The following DLGAP2 variants were observed in gnomAD, a reference collection of about 807,000 sequenced individuals.
The protein encoded by DLGAP2 is DLG associated protein 2.
DLGAP2 carries 26 observed loss-of-function variants against 100.3 expected under a neutral mutation model. That is an observed-to-expected ratio of 0.26 (90% CI 0.19 to 0.36). The LOEUF (loss-of-function observed/expected upper bound fraction) is 0.36. DLGAP2 is among the 10% of genes least tolerant of loss of function. The pLI, the probability that DLGAP2 is intolerant of heterozygous loss-of-function variation, is 1.00. For synonymous variants in DLGAP2, 886 were observed against 630.1 expected (o/e 1.41, Z -6.08); for missense variants, 1,858 against 1,453.2 (o/e 1.28, Z -4.53).
chr8:1,506,058 A>G (rs930778578), intron 4 of DLGAP2, among the ~76,000 whole-genome samples: 5 of 152,234 alleles, frequency 3.3e-5, no homozygotes, highest in African/African-American at 7.2e-5. Context: ...AATAATACTT[A>G]GAGCCTTCCA....
chr8:812,199 G>A (rs1212384485), intron 1 of DLGAP2, among the ~76,000 whole-genome samples: 4 of 152,236 alleles, frequency 2.6e-5, no homozygotes, highest in African/African-American at 9.6e-5. Context: ...GCAGGCAGGA[G>A]ACCCAGGGAG....
In DLGAP2 at chr8:984,359, T is replaced by TA. The variant is rs1281258314; in HGVS notation, c.73+76400dup. Among the ~76,000 whole-genome samples, 7 of 152,244 alleles carry TA rather than the reference T, an allele frequency of 4.6e-5. No individual in the cohort carries two copies. In the East Asian group the frequency reaches 1.2e-3, roughly 25 times the overall value. On this transcript the variant is annotated intron_variant, in intron 2 of 14. Transcript: ENST00000637795. ...ATGCCTTTCATTTTTGCTCAGTCCA[T>TA]AAAAAAACTTCACTAAAAGCTTTTA...
At chr8:831,207 CTTTT>C (rs59545503) in intron 1 of DLGAP2, among the ~76,000 whole-genome samples, 89 of 127,624 alleles carry the variant, frequency 7.0e-4, no homozygotes, top group Middle Eastern at 4.0e-3. Flanking sequence ...CCAGCAGTCA[CTTTT>C]TTTTTTTTTT....
intron 3 of DLGAP2, among the ~76,000 whole-genome samples, chr8:1,267,361 C>T (rs1450877888): frequency 6.6e-6 from 1 of 151,054 alleles, no homozygotes; most frequent in African/African-American, 2.4e-5. Flanking sequence ...AGGTCAGGAG[C>T]TTGAGACCAG....
At chr8:1,527,364 G>A (rs1259627560) in intron 4 of DLGAP2, among the ~76,000 whole-genome samples, 1 of 152,232 alleles carries the variant, frequency 6.6e-6, no homozygotes, top group Admixed American at 6.5e-5. Flanking sequence ...ACATCTCTGA[G>A]TCAAGTCACC....
At chr8:1,418,574 C>T (rs113669415) in intron 3 of DLGAP2, among the ~76,000 whole-genome samples, 6 of 152,182 alleles carry the variant, frequency 3.9e-5, no homozygotes, top group African/African-American at 9.7e-5. Flanking sequence ...TGCATTCACA[C>T]GACACTCCAC....
chr8:1,605,519 T>G (rs2957073), intron 6 of DLGAP2, among the ~76,000 whole-genome samples: 33,045 of 152,104 alleles, frequency 0.22, 4,415 homozygotes, highest in East Asian at 0.47. Flanking sequence ...CCTTTGTGCA[T>G]GAGCTTTAGA....
intron 2 of DLGAP2, among the ~76,000 whole-genome samples, chr8:963,445 A>G (rs1191828829): frequency 6.6e-6 from 1 of 152,210 alleles, no homozygotes; most frequent in East Asian, 1.9e-4. Context: ...AGTCTTCTCT[A>G]TGTATATGGT....
intron 6 of DLGAP2, among the ~76,000 whole-genome samples, chr8:1,593,589 C>G (rs2977214): frequency 6.6e-6 from 1 of 152,178 alleles, no homozygotes; most frequent in Non-Finnish European, 1.5e-5. Context: ...AATTCCTACC[C>G]TGGCACAGCA....
intron 2 of DLGAP2, among the ~76,000 whole-genome samples, chr8:1,020,384 C>G (rs1208812229): frequency 6.6e-6 from 1 of 152,334 alleles, no homozygotes; most frequent in Admixed American, 6.5e-5. Context: ...TGGTTGATTC[C>G]TATCTCTAAT....
At chr8:1,310,127 G>T (rs1051260642) in intron 3 of DLGAP2, among the ~76,000 whole-genome samples, 2 of 151,334 alleles carry the variant, frequency 1.3e-5, no homozygotes, top group East Asian at 3.9e-4. Flanking sequence ...TAAATCTAGG[G>T]TTCTATGTTT....
At chr8:909,991 A>G (rs776021045) in intron 2 of DLGAP2, among the ~76,000 whole-genome samples, 30 of 152,194 alleles carry the variant, frequency 2.0e-4, no homozygotes, top group East Asian at 5.8e-4. Flanking sequence ...TTCTACCTCA[A>G]TGGTTTTGTG....
At chr8:1,056,872 T>G (rs1331197069) in intron 2 of DLGAP2, among the ~76,000 whole-genome samples, 1 of 152,250 alleles carries the variant, frequency 6.6e-6, no homozygotes, top group Non-Finnish European at 1.5e-5. Context: ...GTAGGTAACT[T>G]AGTAAATAGC....
Position 958,547 on chromosome 8 carries a change from A to G in DLGAP2, c.73+50581A>G, listed in dbSNP as rs145817273. Among the ~76,000 whole-genome samples, 18 of 148,608 alleles carry G rather than the reference A, an allele frequency of 1.2e-4. No individual in the cohort carries two copies. In the East Asian group the frequency reaches 3.6e-3, roughly 30 times the overall value. ...GTTTTGCAGGCATTCCAGTGATTGT[A>G]ATGCCATTAGTTATTGGAAATTAAA... On this transcript the variant is annotated intron_variant, in intron 2 of 14. Coordinates refer to ENST00000637795, the MANE Select transcript of DLGAP2 (RefSeq NM_001346810.2).
At chr8:1,531,786 T>A (rs1359089151) in intron 4 of DLGAP2, among the ~76,000 whole-genome samples, 2 of 152,212 alleles carry the variant, frequency 1.3e-5, no homozygotes, top group Non-Finnish European at 2.9e-5. Flanking sequence ...GGCAGAAAGT[T>A]AGAGCTACAT....
chr8:1,175,987 C>G (rs1797244429), intron 2 of DLGAP2, among the ~76,000 whole-genome samples: 2 of 152,204 alleles, frequency 1.3e-5, no homozygotes, highest in South Asian at 4.1e-4. Context: ...GGGCCTATGT[C>G]ATACCATCCG....
intron 3 of DLGAP2, among the ~76,000 whole-genome samples, chr8:1,334,596 C>A (rs541409168): frequency 7.2e-5 from 11 of 152,076 alleles, no homozygotes; most frequent in Non-Finnish European, 1.0e-4. Flanking sequence ...GCCCTCGACC[C>A]CCCCAGTGGA....
intron 3 of DLGAP2, among the ~76,000 whole-genome samples, chr8:1,437,249 T>G (rs1490616239): frequency 6.6e-6 from 1 of 151,218 alleles, no homozygotes; most frequent in Non-Finnish European, 1.5e-5. Flanking sequence ...CCCAGGCGCG[T>G]AAGGGTGACG....
At chr8:1,367,475 A>C (rs563955127) in intron 3 of DLGAP2, among the ~76,000 whole-genome samples, 1 of 152,376 alleles carries the variant, frequency 6.6e-6, no homozygotes, top group South Asian at 2.1e-4. Flanking sequence ...TCCCAAGCCC[A>C]GCACGTGCCT....
Sources: gnomAD v4.1 joint callset for allele counts (sites outside exome capture counted in the v4.1 genomes callset) on GRCh38, gnomAD v4.1.1 for gene constraint, MANE v1.5 for transcripts, NCBI Gene and HGNC (gene_info 2026-07-23, HGNC 2026-07-21) for gene names.